The following RASGEF1C variants were observed in gnomAD, a reference collection of about 807,000 sequenced individuals.
The protein encoded by RASGEF1C is RasGEF domain family member 1C.
A neutral mutation model predicts 58.1 loss-of-function variants in RASGEF1C; 27 were observed. The ratio of observed to expected loss-of-function variants is 0.46; its 90% CI spans 0.34 to 0.64. RASGEF1C has a LOEUF of 0.64. RASGEF1C is among the 30% of genes least tolerant of loss of function. The pLI, the probability that RASGEF1C is intolerant of heterozygous loss-of-function variation, is 0.01. For synonymous variants in RASGEF1C, 243 were observed against 246.3 expected (o/e 0.99, Z 0.13); for missense variants, 502 against 605.1 (o/e 0.83, Z 1.79).
intron 1 of RASGEF1C, among the ~76,000 whole-genome samples, chr5:180,185,334 C>T (rs567282562): frequency 3.0e-4 from 45 of 151,886 alleles, no homozygotes; most frequent in African/African-American, 1.0e-3. Context: ...CCTGTAATCC[C>T]AGCACTTTGG....
chr5:180,127,118 G>A (rs1237643664), intron 6 of RASGEF1C, among the ~76,000 whole-genome samples: 1 of 152,148 alleles, frequency 6.6e-6, no homozygotes, highest in Non-Finnish European at 1.5e-5. Flanking sequence ...GGGCGGGATC[G>A]AAATCCGGGT....
chr5:180,141,282 CA>C (rs1373458732), intron 1 of RASGEF1C, among the ~76,000 whole-genome samples: 5 of 152,308 alleles, frequency 3.3e-5, no homozygotes, highest in African/African-American at 1.2e-4. Context: ...TGGATGTCCA[CA>C]AATAATTTTT....
chr5:180,164,170 A>C (rs535078559), intron 1 of RASGEF1C, among the ~76,000 whole-genome samples: 1 of 152,180 alleles, frequency 6.6e-6, no homozygotes, highest in Non-Finnish European at 1.5e-5. Flanking sequence ...TTTCTAAAGA[A>C]ACAGCTTTTG....
intron 3 of RASGEF1C, 25 bp from the exon 4 acceptor site, chr5:180,136,540 G>A (rs751943091): frequency 4.5e-6 from 7 of 1,559,520 alleles, no homozygotes; most frequent in South Asian, 3.5e-5. Flanking sequence ...GGGGCACCGC[G>A]CTCGTGAGGG....
intron 4 of RASGEF1C, among the ~76,000 whole-genome samples, chr5:180,129,105 G>C (rs976201871): frequency 6.6e-6 from 1 of 152,214 alleles, no homozygotes; most frequent in African/African-American, 2.4e-5. Context: ...AGAGACAGGA[G>C]GTCAGTGGAA....
intron 7 of RASGEF1C, among the ~76,000 whole-genome samples, chr5:180,120,048 G>A (rs1032288274): frequency 2.6e-5 from 4 of 152,116 alleles, no homozygotes; most frequent in Non-Finnish European, 4.4e-5. Flanking sequence ...CCTCTCGCCT[G>A]CAGCCAGCGG....
intron 6 of RASGEF1C, among the ~76,000 whole-genome samples, chr5:180,121,373 G>A (rs533715622): frequency 1.6e-4 from 25 of 152,004 alleles, no homozygotes; most frequent in Admixed American, 1.1e-3. Context: ...GAGTGCGGTG[G>A]CGCGATCTCG....
At chr5:180,174,609 T>C (rs1767189422) in intron 1 of RASGEF1C, among the ~76,000 whole-genome samples, 1 of 7,764 alleles carries the variant, frequency 1.3e-4, no homozygotes, top group East Asian at 5.2e-3. Flanking sequence ...TGTGCACGCA[T>C]GTGTGTGTCT....
intron 1 of RASGEF1C, among the ~76,000 whole-genome samples, chr5:180,161,821 G>A (rs1416502127): frequency 1.3e-5 from 2 of 152,192 alleles, no homozygotes; most frequent in Admixed American, 1.3e-4. Context: ...CGGGAGGGGC[G>A]TCCCTCCACA....
chr5:180,134,809 G>C (rs1171237105), intron 4 of RASGEF1C, among the ~76,000 whole-genome samples: 2 of 11,242 alleles, frequency 1.8e-4, no homozygotes, highest in Admixed American at 8.5e-4. Context: ...GTCAATTCAC[G>C]CATCTACCCT....
chr5:180,118,631 G>A lies in RASGEF1C; in HGVS notation c.1061C>T (p.Thr354Met), dbSNP rs369386547. The change falls in exon 10 of 14, where the codon ACG (threonine) becomes ATG (methionine). Residue 354 changes from threonine (T) to methionine (M), a missense_variant. By Grantham distance (81) the Thr-to-Met change is moderately conservative. Transcript: ENST00000361132. ...ALRGAAHRSLTAHSSREKIVI... is the reference protein window; with the variant it reads ...ALRGAAHRSLMAHSSREKIVI... ...TACCTTCTCTCGGCTGCTGTGGGCCGTCAGGGAGCGGTGGGCCGCCCCGCG... is the reference window on the plus strand; with the variant it reads ...TACCTTCTCTCGGCTGCTGTGGGCCATCAGGGAGCGGTGGGCCGCCCCGCG... The A allele has an allele frequency of 3.6e-5, 58 of 1,612,774 alleles. No homozygotes were observed. The highest frequency in any genetic ancestry group is 2.4e-4 in the African/African-American group (18 of 74,914).
At chr5:180,127,578 A>ACAG in intron 6 of RASGEF1C, 31 bp downstream of exon 6, 1 of 1,578,720 alleles carries the variant, frequency 6.3e-7, no homozygotes, top group Admixed American at 1.9e-5. Context: ...GGTGAGGCTC[A>ACAG]CTTTTGGGAC....
chr5:180,168,119 CAAAACA>C lies in RASGEF1C; in HGVS notation c.-6-30067_-6-30062del, dbSNP rs1279089949. Among the ~76,000 whole-genome samples, 1 of 151,926 alleles carries C rather than the reference CAAAACA, an allele frequency of 6.6e-6. No homozygotes were observed. The highest frequency in any genetic ancestry group is 2.4e-5 in the African/African-American group (1 of 41,372). On this transcript the variant is annotated intron_variant, in intron 1 of 13. Coordinates refer to ENST00000361132, the MANE Select transcript of RASGEF1C (RefSeq NM_175062.4). This position sits in a 1 kb window ranked among gnomAD's most constrained non-coding sequence, Gnocchi z 6.0. The stretch of plus-strand genomic sequence containing the variant: ...TAATAAACAACTCTCAAAAACAAAA[CAAAACA>C]AAAACAAAAACAAACAAAAAAAAGG...
At chr5:180,130,461 C>A (rs4700891) in intron 4 of RASGEF1C, among the ~76,000 whole-genome samples, 1 of 152,098 alleles carries the variant, frequency 6.6e-6, no homozygotes, top group Non-Finnish European at 1.5e-5. Context: ...GGCCCTTCCA[C>A]GGACCTCCTG....
intron 4 of RASGEF1C, among the ~76,000 whole-genome samples, chr5:180,130,394 G>T (rs1400584378): frequency 6.6e-6 from 1 of 152,208 alleles, no homozygotes; most frequent in African/African-American, 2.4e-5. Flanking sequence ...GGAAGATGGG[G>T]AGTGGGGCGC....
At chr5:180,185,009 AG>A (rs1756007616) in intron 1 of RASGEF1C, among the ~76,000 whole-genome samples, 1 of 152,178 alleles carries the variant, frequency 6.6e-6, no homozygotes. Flanking sequence ...ATCATGAAGG[AG>A]GGCCAGGGGC....
intron 1 of RASGEF1C, among the ~76,000 whole-genome samples, chr5:180,139,871 G>A (rs1157335022): frequency 2.0e-5 from 3 of 152,154 alleles, no homozygotes; most frequent in Admixed American, 6.5e-5. Context: ...TGGGAGGTCC[G>A]TTGTCTCCTG....
chr5:180,189,011 T>C (rs1008897456), intron 1 of RASGEF1C, among the ~76,000 whole-genome samples: 5 of 152,248 alleles, frequency 3.3e-5, no homozygotes, highest in African/African-American at 1.2e-4. Context: ...AAACTGTTTT[T>C]ATCTACAAAT....
At chr5:180,192,403 G>A (rs1342019514) in intron 1 of RASGEF1C, among the ~76,000 whole-genome samples, 1 of 152,168 alleles carries the variant, frequency 6.6e-6, no homozygotes, top group Non-Finnish European at 1.5e-5. Context: ...GCTCTCAAGA[G>A]TGTTCACATA....
Sources: allele counts gnomAD v4.1 joint callset (sites outside exome capture counted in the v4.1 genomes callset), GRCh38; gene constraint gnomAD v4.1.1; non-coding constraint Gnocchi (gnomAD v3.1); transcripts MANE v1.5; gene names NCBI Gene and HGNC (gene_info 2026-07-23, HGNC 2026-07-21).